Variants in SLC36A1 observed in about 807,000 individuals in gnomAD.
SLC36A1 encodes the protein solute carrier family 36 member 1.
Under a neutral mutation model 47.5 loss-of-function variants are expected in SLC36A1, and 30 were observed. The ratio of observed to expected loss-of-function variants is 0.63; its 90% CI spans 0.47 to 0.86. The LOEUF (loss-of-function observed/expected upper bound fraction) is 0.86. Among genes scored for constraint, SLC36A1 ranks in the 40% least tolerant of loss-of-function variants. SLC36A1 has a pLI of 0.00. For synonymous variants in SLC36A1, 255 were observed against 249.7 expected (o/e 1.02, Z -0.20); for missense variants, 517 against 606.0 (o/e 0.85, Z 1.54).
chr5:151,551,734 G>C, the SLC36A1 span: 1 of 867,400 alleles, frequency 1.2e-6, no homozygotes, highest in Non-Finnish European at 1.7e-6. Context: ...CTGAGTGACA[G>C]GTTGTAGTTT....
intron 7 of SLC36A1, chr5:151,469,292 A>T: frequency 1.5e-6 from 1 of 689,218 alleles, no homozygotes; most frequent in Non-Finnish European, 2.6e-6. Context: ...TGAGAAATAC[A>T]TTGAAATATA....
upstream of SLC36A1, among the ~76,000 whole-genome samples, chr5:151,445,790 A>G (rs1752881728): frequency 6.6e-6 from 1 of 152,212 alleles, no homozygotes; most frequent in African/African-American, 2.4e-5. Flanking sequence ...ATTGTTCACA[A>G]TAGCCCCATA....
the SLC36A1 span, among the ~76,000 whole-genome samples, chr5:151,390,690 C>T: frequency 6.6e-6 from 1 of 152,162 alleles, no homozygotes; most frequent in African/African-American, 2.4e-5. Flanking sequence ...TTGTTTTTGT[C>T]AGGTTTGTCA....
At chr5:151,545,433 A>C in the SLC36A1 span, 2 of 1,614,064 alleles carry the variant, frequency 1.2e-6, no homozygotes, top group South Asian at 2.2e-5. Context: ...CTGAGTCTTC[A>C]TCGCTGGCCC....
the SLC36A1 span, among the ~76,000 whole-genome samples, chr5:151,421,785 T>C: frequency 6.6e-6 from 1 of 151,514 alleles, no homozygotes; most frequent in Non-Finnish European, 1.5e-5. Context: ...AGAGACAGGG[T>C]TTCACCATGT....
the SLC36A1 span, among the ~76,000 whole-genome samples, chr5:151,359,633 C>T: frequency 6.6e-6 from 1 of 152,230 alleles, no homozygotes; most frequent in African/African-American, 2.4e-5. Context: ...TCTCCTCCTG[C>T]CCATTTGCTA....
In SLC36A1 at chr5:151,491,968, C is replaced by T. The variant is rs1760159535; in HGVS notation, c.*3714C>T. The T allele has an allele frequency of 6.6e-6, 1 of 152,272 alleles. No individual in the cohort carries two copies. The highest frequency in any genetic ancestry group is 1.5e-5 in the Non-Finnish European group (1 of 68,082). The allele number at this position is 152,272 out of a possible 1,614,324, so 9.4% of individuals were successfully genotyped here. On this transcript the variant is annotated 3_prime_UTR_variant, in exon 11 of 11. Coordinates refer to ENST00000243389, the MANE Select transcript of SLC36A1 (RefSeq NM_078483.4). ...TCAGCCTGTAACATTTCTTCTCTTT[C>T]CTTTGTGCCACTGAGTCGTTCCCTG...
intron 7 of SLC36A1, among the ~76,000 whole-genome samples, chr5:151,472,373 A>G (rs895143934): frequency 4.6e-5 from 7 of 152,264 alleles, no homozygotes; most frequent in African/African-American, 1.7e-4. Context: ...GTGCCCATCC[A>G]GATTAAGGGT....
upstream of SLC36A1, among the ~76,000 whole-genome samples, chr5:151,433,077 A>G (rs2127432735): frequency 6.6e-6 from 1 of 151,436 alleles, no homozygotes. Flanking sequence ...GAAAATGAAC[A>G]TACTCAATAA....
intron 1 of SLC36A1, among the ~76,000 whole-genome samples, chr5:151,456,531 G>T (rs1754539958): frequency 6.6e-6 from 1 of 152,150 alleles, no homozygotes; most frequent in Non-Finnish European, 1.5e-5. Context: ...TACAATGCTG[G>T]TATTAAGATA....
chr5:151,501,734 C>G, the SLC36A1 span, among the ~76,000 whole-genome samples: 1 of 148,438 alleles, frequency 6.7e-6, no homozygotes, highest in African/African-American at 2.6e-5. Flanking sequence ...CCTAACTGAA[C>G]TTTGACAAAG....
the SLC36A1 span, chr5:151,521,606 G>A: frequency 3.0e-5 from 49 of 1,614,052 alleles, no homozygotes; most frequent in South Asian, 8.8e-5. Flanking sequence ...ATGTTAGCCC[G>A]TTTGATGTCC....
At chr5:151,452,773 G>A (rs1753841088) in intron 1 of SLC36A1, among the ~76,000 whole-genome samples, 1 of 151,882 alleles carries the variant, frequency 6.6e-6, no homozygotes, top group Non-Finnish European at 1.5e-5. Context: ...GGGAGGCTGA[G>A]GCAGGAGAAT....
At chr5:151,505,428 T>G in the SLC36A1 span, 2 of 1,057,730 alleles carry the variant, frequency 1.9e-6, no homozygotes, top group East Asian at 2.6e-5. Context: ...AAGAGCACAT[T>G]TCAAGGGACA....
the SLC36A1 span, among the ~76,000 whole-genome samples, chr5:151,418,069 G>A: frequency 6.6e-6 from 1 of 152,384 alleles, no homozygotes; most frequent in Admixed American, 6.5e-5. Flanking sequence ...CTTAAATGTG[G>A]TGTTGGGCCT....
the SLC36A1 span, chr5:151,542,497 G>A: frequency 1.2e-6 from 2 of 1,614,168 alleles, no homozygotes; most frequent in East Asian, 2.2e-5. Flanking sequence ...GTGGTCATAG[G>A]CCACCACATG....
At chr5:151,375,152 G>A in the SLC36A1 span, among the ~76,000 whole-genome samples, 1 of 152,086 alleles carries the variant, frequency 6.6e-6, no homozygotes, top group African/African-American at 2.4e-5. Context: ...GTCCAGAAGT[G>A]TTTTCCCTGG....
At chr5:151,448,748 G>T (rs961578794) in intron 1 of SLC36A1, among the ~76,000 whole-genome samples, 1 of 152,226 alleles carries the variant, frequency 6.6e-6, no homozygotes, top group Non-Finnish European at 1.5e-5. Flanking sequence ...GCAATGGACA[G>T]AACAGAGATT....
At chr5:151,453,950 A>G (rs1581073569) in intron 1 of SLC36A1, among the ~76,000 whole-genome samples, 1 of 152,028 alleles carries the variant, frequency 6.6e-6, no homozygotes, top group East Asian at 1.9e-4. Flanking sequence ...AAGTGATTCC[A>G]CCTGCTCATT....
Sources: allele counts gnomAD v4.1 joint callset (sites outside exome capture counted in the v4.1 genomes callset), GRCh38; gene constraint gnomAD v4.1.1; transcripts MANE v1.5; gene names NCBI Gene and HGNC (gene_info 2026-07-23, HGNC 2026-07-21).